Variants in STXBP5L observed in about 807,000 individuals in gnomAD.
STXBP5L encodes syntaxin binding protein 5L, also known as syntaxin-binding protein 5-like.
Under a neutral mutation model 144.5 loss-of-function variants are expected in STXBP5L, and 65 were observed. That is an observed-to-expected ratio of 0.45 (90% CI 0.37 to 0.55). The LOEUF is 0.55. Ranked by LOEUF, STXBP5L falls within the 20% of genes least tolerant of loss-of-function variation. The pLI, the probability that STXBP5L is intolerant of heterozygous loss-of-function variation, is 0.00. For missense variants in STXBP5L, 1,298 were observed against 1,405.5 expected, an observed-to-expected ratio of 0.92 and a Z score of 1.22; for synonymous variants, 505 against 469.6, an observed-to-expected ratio of 1.08 and a Z score of -0.97.
In STXBP5L at chr3:121,235,191, T is replaced by A. The variant is rs141018406; in HGVS notation, c.1184+1503T>A. Among the ~76,000 whole-genome samples the A allele has an allele frequency of 4.5e-3, 686 of 152,192 alleles. 4 individuals carry two copies. The highest frequency in any genetic ancestry group is 0.016 in the African/African-American group (656 of 41,554). The stretch of plus-strand genomic sequence containing the variant: ...ATTAAAATCTATGTGGCATTCCCAT[T>A]TCATTGGTTATTACATGAAATTTAA... On this transcript the variant is annotated intron_variant, in intron 12 of 26. Coordinates refer to ENST00000471454, the MANE Select transcript of STXBP5L (RefSeq NM_001308330.2).
At chr3:121,353,129 T>C (rs1221588822) in intron 20 of STXBP5L, among the ~76,000 whole-genome samples, 5 of 152,208 alleles carry the variant, frequency 3.3e-5, no homozygotes. Flanking sequence ...TCAGGGATAT[T>C]GGTCTAAAAT....
Position 121,054,713 on chromosome 3 carries a change from C to T in STXBP5L, c.470+9178C>T, listed in dbSNP as rs193179376. ...ATGTAACAAACCTGCACATTGTGCA[C>T]ATGTACCGTAAAACTTAAAGTATAA... On this transcript the variant is annotated intron_variant, in intron 5 of 26. Coordinates refer to ENST00000471454, the MANE Select transcript of STXBP5L (RefSeq NM_001308330.2). 8.5e-5 allele frequency among the ~76,000 whole-genome samples: 13 copies of T among 152,092 alleles called. No individual in the cohort carries two copies. In the East Asian group the frequency reaches 2.5e-3, roughly 29 times the overall value.
chr3:121,101,122 G>A lies in STXBP5L; in HGVS notation c.471-13803G>A, dbSNP rs570533709. On this transcript the variant is annotated intron_variant, in intron 5 of 26. Coordinates refer to ENST00000471454, the MANE Select transcript of STXBP5L (RefSeq NM_001308330.2). ...GAAAAATCTGCCAAACAAAAAAAAAGCTCCAGACAAGATGGAGTCACAGTC... is the reference window on the plus strand; with the variant it reads ...GAAAAATCTGCCAAACAAAAAAAAAACTCCAGACAAGATGGAGTCACAGTC... Among the ~76,000 whole-genome samples, 3 of 151,100 alleles carry A rather than the reference G, an allele frequency of 2.0e-5. No homozygotes were observed. In the East Asian group the frequency reaches 5.8e-4, roughly 29 times the overall value.
chr3:121,083,813 G>T (rs1429850749), intron 5 of STXBP5L, among the ~76,000 whole-genome samples: 2 of 152,130 alleles, frequency 1.3e-5, no homozygotes, highest in Non-Finnish European at 2.9e-5. Context: ...GCCTATTTCA[G>T]TTGGGGTTAT....
intron 7 of STXBP5L, among the ~76,000 whole-genome samples, chr3:121,145,712 T>C (rs969322234): frequency 2.0e-5 from 3 of 152,054 alleles, no homozygotes; most frequent in Non-Finnish European, 4.4e-5. Context: ...TGATACAAGT[T>C]GGGATGACGT....
chr3:121,213,624 T>C (rs1035348075), intron 10 of STXBP5L, among the ~76,000 whole-genome samples: 2 of 152,102 alleles, frequency 1.3e-5, no homozygotes, highest in East Asian at 1.9e-4. Flanking sequence ...CAGTATTTTA[T>C]TGAGGATTTT....
intron 22 of STXBP5L, among the ~76,000 whole-genome samples, chr3:121,393,353 G>A (rs1049618316): frequency 6.6e-6 from 1 of 151,950 alleles, no homozygotes; most frequent in Non-Finnish European, 1.5e-5. Context: ...TGCATTGTTG[G>A]CAAATATTTT....
chr3:121,232,801 G>A (rs2049349586), intron 11 of STXBP5L, among the ~76,000 whole-genome samples: 3 of 152,274 alleles, frequency 2.0e-5, no homozygotes, highest in South Asian at 2.1e-4. Context: ...ATTGAGGAAG[G>A]TTTTATAGTC....
chr3:121,410,692 G>T (rs1009967196), intron 23 of STXBP5L, among the ~76,000 whole-genome samples: 1 of 151,920 alleles, frequency 6.6e-6, no homozygotes, highest in African/African-American at 2.4e-5. Flanking sequence ...AATAGAAGAG[G>T]CTTATCTTTG....
At chr3:121,303,512 G>A (rs1261815134) in intron 19 of STXBP5L, among the ~76,000 whole-genome samples, 10 of 152,092 alleles carry the variant, frequency 6.6e-5, no homozygotes, top group African/African-American at 2.4e-4. Flanking sequence ...ATTTGACCCA[G>A]CCATCCCATT....
At chr3:120,961,736 G>A (rs1025721819) in intron 3 of STXBP5L, among the ~76,000 whole-genome samples, 9 of 152,144 alleles carry the variant, frequency 5.9e-5, no homozygotes, top group East Asian at 5.8e-4. Context: ...ATAAACATAC[G>A]TGTGCATGTG....
chr3:121,261,273 A>T (rs17196063), intron 18 of STXBP5L, among the ~76,000 whole-genome samples: 22,091 of 152,166 alleles, frequency 0.15, 1,780 homozygotes, highest in Non-Finnish European at 0.19. Flanking sequence ...CAGCTTGGAC[A>T]TCTATCTCAT....
At chr3:121,260,168 A>G (rs1415154790) in intron 18 of STXBP5L, among the ~76,000 whole-genome samples, 1 of 152,072 alleles carries the variant, frequency 6.6e-6, no homozygotes, top group East Asian at 1.9e-4. Flanking sequence ...TGTTATTATA[A>G]TATCAGTAAA....
At chr3:121,216,880 C>T (rs2048796023) in intron 10 of STXBP5L, among the ~76,000 whole-genome samples, 2 of 152,274 alleles carry the variant, frequency 1.3e-5, no homozygotes, top group South Asian at 2.1e-4. Context: ...GATGCCCTGC[C>T]CAGAGAGGAG....
intron 15 of STXBP5L, among the ~76,000 whole-genome samples, chr3:121,253,701 T>G (rs1439261756): frequency 1.3e-5 from 2 of 150,238 alleles, no homozygotes; most frequent in African/African-American, 4.9e-5. Flanking sequence ...CAGTCTCGGC[T>G]CACTGCAAGC....
intron 19 of STXBP5L, among the ~76,000 whole-genome samples, chr3:121,293,001 C>A (rs1460521089): frequency 3.3e-5 from 5 of 152,050 alleles, no homozygotes; most frequent in African/African-American, 7.2e-5. Flanking sequence ...TAAATAAACA[C>A]CACTTGTTAC....
intron 20 of STXBP5L, among the ~76,000 whole-genome samples, chr3:121,376,903 T>G (rs2046200210): frequency 6.6e-6 from 1 of 152,212 alleles, no homozygotes; most frequent in Non-Finnish European, 1.5e-5. Context: ...TTTTATTTCT[T>G]TGAGCAGTAG....
intron 9 of STXBP5L, among the ~76,000 whole-genome samples, chr3:121,194,070 T>C (rs1417969809): frequency 1.3e-5 from 2 of 152,140 alleles, no homozygotes; most frequent in Non-Finnish European, 2.9e-5. Context: ...CCATTTAAAG[T>C]ATATGATTCA....
chr3:121,128,929 T>A (rs2044843048), intron 7 of STXBP5L, among the ~76,000 whole-genome samples: 1 of 152,134 alleles, frequency 6.6e-6, no homozygotes. Context: ...CTCTAATAAG[T>A]ACATATAGTA....
Sources: allele counts gnomAD v4.1 joint callset (sites outside exome capture counted in the v4.1 genomes callset), GRCh38; gene constraint gnomAD v4.1.1; transcripts MANE v1.5; gene names NCBI Gene and HGNC (gene_info 2026-07-23, HGNC 2026-07-21).